CAGE1: variants seen among roughly 807,000 people sequenced by gnomAD.
The protein encoded by CAGE1 is cancer antigen 1.
In CAGE1, 66 loss-of-function variants were observed where a neutral mutation model predicts 94.9. The observed-to-expected ratio is 0.70, with a 90% confidence interval of 0.57 to 0.85. CAGE1 has a LOEUF of 0.85. Among genes scored for constraint, CAGE1 ranks in the 40% least tolerant of loss-of-function variants. The pLI, the probability that CAGE1 is intolerant of heterozygous loss-of-function variation, is 0.00. For missense variants in CAGE1, 865 were observed against 950.4 expected (o/e 0.91, Z 1.18); for synonymous variants, 319 against 321.0 (o/e 0.99, Z 0.07).
At chr6:7,381,683 C>A (rs981008281) in intron 3 of CAGE1, among the ~76,000 whole-genome samples, 4 of 151,642 alleles carry the variant, frequency 2.6e-5, no homozygotes. Flanking sequence ...CGTGCACCAC[C>A]ATGCCCGCCT....
In CAGE1 at chr6:7,346,292, C is replaced by T. The variant is rs867928196; in HGVS notation, c.2369+8749G>A. On this transcript the variant is annotated intron_variant, in intron 11 of 13. Transcript: ENST00000502583. ...AAATCAGGGCGGGTGCAGTGACTCA[C>T]GCCTGTAATCCCAGCACTTTGGGAT... 3.5e-4 allele frequency among the ~76,000 whole-genome samples: 54 copies of T among 152,194 alleles called. 1 individual carries two copies. The highest frequency in any genetic ancestry group is 1.2e-3 in the African/African-American group (51 of 41,518).
chr6:7,389,711 AG>A lies in CAGE1; in HGVS notation c.-534del. ...CTTCCTGAGAGCACAGAACATCCAC[AG>A]CCCTATACAGCGCGCCATCCAGAGA... On this transcript the variant is annotated 5_prime_UTR_variant, in exon 1 of 14. An upstream open reading frame in the 5' UTR loses its in-frame stop. Coordinates refer to ENST00000502583, the MANE Select transcript of CAGE1 (RefSeq NM_001170692.2). 2 of 495,756 alleles carry A rather than the reference AG, an allele frequency of 4.0e-6. No individual in the cohort carries two copies. Among genetic ancestry groups the A allele is most frequent in the East Asian group, 7.0e-5 (2 of 28,774 alleles). 30.7% of individuals were successfully genotyped at this position (495,756 alleles called of 1,614,324 possible).
chr6:7,348,959 G>A (rs1018963058), intron 11 of CAGE1, among the ~76,000 whole-genome samples: 2 of 152,182 alleles, frequency 1.3e-5, no homozygotes, highest in African/African-American at 4.8e-5. Context: ...TGAGGAAGAA[G>A]AGAAATCTAA....
Position 7,367,278 on chromosome 6 carries a change from A to ATTTTTTT in CAGE1, c.2005-1401_2005-1395dup, listed in dbSNP as rs70978961. Among the ~76,000 whole-genome samples, 25 of 111,202 alleles carry ATTTTTTT rather than the reference A, an allele frequency of 2.2e-4. 1 individual carries two copies. The highest frequency in any genetic ancestry group is 3.0e-4 in the South Asian group (1 of 3,296). The allele number at this position is 111,202 out of a possible 152,430, so 73.0% of individuals were successfully genotyped here. A position where few individuals can be genotyped will look rare whatever the true frequency, so the allele number is the denominator to read the frequency against. ...AATATCTGAAAGAAATATTTGGGGG[A>ATTTTTTT]TTTTTTTTTTTTTTTTGCTTTTTGT... On this transcript the variant is annotated intron_variant, in intron 7 of 13. Coordinates refer to ENST00000502583, the MANE Select transcript of CAGE1 (RefSeq NM_001170692.2).
At chr6:7,328,741 C>A (rs776655284) in intron 13 of CAGE1, among the ~76,000 whole-genome samples, 22 of 151,932 alleles carry the variant, frequency 1.4e-4, no homozygotes, top group South Asian at 1.2e-3. Flanking sequence ...TTTCAAATAG[C>A]TAGAAGAGAG....
At chr6:7,334,000 T>C in intron 12 of CAGE1, 22 bp downstream of exon 12, 1 of 1,443,376 alleles carries the variant, frequency 6.9e-7, no homozygotes, top group Non-Finnish European at 9.5e-7. Context: ...ATTATTAATT[T>C]TAAAAATAAA....
Position 7,355,060 on chromosome 6 carries a change from A to G in CAGE1, c.2350T>C (p.Ser784Pro), listed in dbSNP as rs777270066. The change falls in exon 11 of 14, where the codon TCC becomes CCC. Residue 784 changes from serine (S) to proline (P), a missense_variant. Ser to Pro is a moderately conservative substitution (Grantham distance 74, BLOSUM62 -1). Coordinates refer to ENST00000502583, the MANE Select transcript of CAGE1 (RefSeq NM_001170692.2). ...ACTTACTGTGCAATCTGGGAGTGGG[A>G]TATTGCAAGCCTTTGGTCAGCACAT... ...IECADQRLAI[S>P]HSQIAHLEER... The G allele has an allele frequency of 8.1e-6, 13 of 1,609,330 alleles. No homozygotes were observed. The highest frequency in any genetic ancestry group is 4.0e-5 in the African/African-American group (3 of 74,872).
intron 3 of CAGE1, among the ~76,000 whole-genome samples, chr6:7,379,527 C>G (rs942293286): frequency 1.3e-5 from 2 of 152,170 alleles, no homozygotes; most frequent in African/African-American, 4.8e-5. Context: ...TGCTGAGATT[C>G]TAGACTACTA....
chr6:7,383,080 C>T (rs1445070170), intron 3 of CAGE1, among the ~76,000 whole-genome samples: 1 of 129,104 alleles, frequency 7.7e-6, no homozygotes, highest in South Asian at 2.5e-4. Context: ...GCTGTTCTTG[C>T]GATAGTTGAG....
intron 7 of CAGE1, among the ~76,000 whole-genome samples, chr6:7,366,782 T>A (rs1021765869): frequency 6.6e-6 from 1 of 152,162 alleles, no homozygotes; most frequent in Middle Eastern, 3.4e-3. Context: ...GTCATAGCTG[T>A]GAGGACGACT....
In CAGE1 at chr6:7,358,027, GATATATATATATATATATATATATAT is replaced by G. The variant is rs55850429; in HGVS notation, c.2194-1924_2194-1899del. 1.6e-3 allele frequency among the ~76,000 whole-genome samples: 76 copies of G among 48,086 alleles called. 5 individuals are homozygous for G. Among genetic ancestry groups the G allele is most frequent in the East Asian group, 0.015 (14 of 904 alleles). The allele number at this position is 48,086 out of a possible 152,430, so 31.5% of individuals were successfully genotyped here. A position where few individuals can be genotyped will look rare whatever the true frequency, so the allele number is the denominator to read the frequency against. ...CAGACTGCGGTTAGGTAAGTTTTGAGATATATATATATATATATATATATATATATATATATATATATATGCCTCCA... is the reference window on the plus strand; with the variant it reads ...CAGACTGCGGTTAGGTAAGTTTTGAGATATATATATATATATATGCCTCCA... On this transcript the variant is annotated intron_variant, in intron 9 of 13. Transcript: ENST00000502583.
chr6:7,378,842 G>C lies in CAGE1; in HGVS notation c.462C>G (p.Asn154Lys), dbSNP rs955075038. ...QSQVYNYAKD[N>K]NIKQDSFKEE... is the part of the protein sequence containing the mutation. ...CCTTAAATGAGTCTTGCTTTATATT[G>C]TTGTCTTTTGCATAATTATACACTT... Residue 154 changes from asparagine (N) to lysine (K), a missense_variant, in exon 4 of 14, where the codon AAC (asparagine) becomes AAG (lysine). Physicochemically the swap from Asn to Lys is moderately conservative, Grantham distance 94. Transcript: ENST00000502583. 7 of 1,612,546 alleles carry C rather than the reference G, an allele frequency of 4.3e-6. No individual in the cohort carries two copies. The highest frequency in any genetic ancestry group is 5.9e-6 in the Non-Finnish European group (7 of 1,179,188).
chr6:7,366,840 C>A (rs947148780), intron 7 of CAGE1, among the ~76,000 whole-genome samples: 1 of 151,870 alleles, frequency 6.6e-6, no homozygotes, highest in African/African-American at 2.4e-5. Context: ...CTCGGGGTCT[C>A]CAAGGAGTTA....
At position 7,368,809 on chromosome 6, in the gene CAGE1, G is replaced by C. The variant is rs775985376; in HGVS notation, c.1894-11C>G. On this transcript the variant is annotated splice_polypyrimidine_tract_variant and intron_variant, in intron 6 of 13. Coordinates refer to ENST00000502583, the MANE Select transcript of CAGE1 (RefSeq NM_001170692.2). ...AGAATTGATGATGTCCTAAGGGTAAGAGTTTCAGAAGCTAGATGAAAAAGT... is the reference window on the plus strand; with the variant it reads ...AGAATTGATGATGTCCTAAGGGTAACAGTTTCAGAAGCTAGATGAAAAAGT... The C allele has an allele frequency of 7.4e-6, 11 of 1,483,750 alleles. No individual in the cohort carries two copies. Among genetic ancestry groups the C allele is most frequent in the African/African-American group, 1.4e-5 (1 of 70,398 alleles). The allele number at this position is 1,483,750 out of a possible 1,614,324, so 91.9% of individuals were successfully genotyped here.
intron 11 of CAGE1, chr6:7,341,715 G>T: frequency 1.4e-6 from 1 of 701,024 alleles, no homozygotes; most frequent in South Asian, 1.4e-5. Flanking sequence ...CACTATAGAA[G>T]GGAGCAGGCG....
At chr6:7,337,618 TC>T (rs1369973694) in intron 11 of CAGE1, among the ~76,000 whole-genome samples, 1 of 152,240 alleles carries the variant, frequency 6.6e-6, no homozygotes, top group Admixed American at 6.5e-5. Context: ...GAGAAGGCTA[TC>T]CTTTTTCCAC....
In CAGE1 at chr6:7,378,794, A is replaced by T. The variant is rs771167139; in HGVS notation, c.510T>A (p.Ser170Arg). 4 of 1,613,840 alleles carry T rather than the reference A, an allele frequency of 2.5e-6. No homozygotes were observed. In the South Asian group the frequency reaches 4.4e-5, roughly 18 times the overall value. The change falls in exon 4 of 14, where the codon AGT (serine) becomes AGA (arginine). Residue 170 changes from serine (S) to arginine (R), a missense_variant. Ser to Arg is a moderately radical substitution (Grantham distance 110). Coordinates refer to ENST00000502583, the MANE Select transcript of CAGE1 (RefSeq NM_001170692.2). ...SFKEENPMETSVSANTDQLGN... is the reference protein window; with the variant it reads ...SFKEENPMETRVSANTDQLGN... ...CAAGTTGGTCTGTATTTGCAGAAAC[A>T]CTAGTTTCCATTGGATTTTCTTCCT... is the stretch of plus-strand genomic sequence containing the variant.
intron 11 of CAGE1, among the ~76,000 whole-genome samples, chr6:7,344,111 T>G (rs547262519): frequency 2.8e-3 from 428 of 152,322 alleles, no homozygotes; most frequent in African/African-American, 9.7e-3. Flanking sequence ...GGCTCCCACT[T>G]TGGTGGCACT....
At chr6:7,337,312 G>C (rs1758989158) in intron 11 of CAGE1, among the ~76,000 whole-genome samples, 1 of 134,674 alleles carries the variant, frequency 7.4e-6, no homozygotes, top group Non-Finnish European at 1.5e-5. Flanking sequence ...GGGTGACAGA[G>C]TGAGACTGTC....
Sources: allele counts gnomAD v4.1 joint callset (sites outside exome capture counted in the v4.1 genomes callset), GRCh38; gene constraint gnomAD v4.1.1; transcripts MANE v1.5; gene names NCBI Gene and HGNC (gene_info 2026-07-23, HGNC 2026-07-21).